The following ELF1 variants were observed in gnomAD, a reference collection of about 807,000 sequenced individuals.
ELF1 encodes the protein ETS-related transcription factor Elf-1.
In ELF1, 24 loss-of-function variants were observed where a neutral mutation model predicts 59.9. That is an observed-to-expected ratio of 0.40 (90% CI 0.29 to 0.56). ELF1 has a LOEUF of 0.56. ELF1 is among the 20% of genes least tolerant of loss of function. The pLI is 0.44. For synonymous variants in ELF1, 248 were observed against 266.2 expected, an observed-to-expected ratio of 0.93 and a Z score of 0.67; for missense variants, 627 against 742.2, an observed-to-expected ratio of 0.84 and a Z score of 1.80.
Position 40,963,633 on chromosome 13 carries a change from G to C in ELF1, c.73-4617C>G, listed in dbSNP as rs186352561. On this transcript the variant is annotated intron_variant, in intron 2 of 8. Transcript: ENST00000239882. ...AAGAATATGAATAGTTAGGTGCTGGGCGCAGTGGCTCACGCCTGTAATCCC... is the reference window on the plus strand; with the variant it reads ...AAGAATATGAATAGTTAGGTGCTGGCCGCAGTGGCTCACGCCTGTAATCCC... 3.1e-3 allele frequency among the ~76,000 whole-genome samples: 472 copies of C among 152,354 alleles called. 1 individual carries two copies. The highest frequency in any genetic ancestry group is 0.011 in the African/African-American group (455 of 41,582).
At chr13:41,028,119 G>A (rs548470418) in intron 1 of ELF1, among the ~76,000 whole-genome samples, 8 of 152,120 alleles carry the variant, frequency 5.3e-5, no homozygotes, top group Non-Finnish European at 1.0e-4. Flanking sequence ...AGAAGTCTTA[G>A]TTCCAGAGAG....
At chr13:41,006,714 T>C (rs1874781539) in intron 1 of ELF1, among the ~76,000 whole-genome samples, 2 of 152,360 alleles carry the variant, frequency 1.3e-5, no homozygotes, top group Admixed American at 1.3e-4. Flanking sequence ...GAAAACATTT[T>C]GAATAAAATA....
At chr13:40,963,629 C>T (rs1157568333) in intron 2 of ELF1, among the ~76,000 whole-genome samples, 1 of 152,202 alleles carries the variant, frequency 6.6e-6, no homozygotes, top group Non-Finnish European at 1.5e-5. Context: ...TAGTTAGGTG[C>T]TGGGCGCAGT....
chr13:40,975,242 G>A (rs758995936), intron 2 of ELF1, among the ~76,000 whole-genome samples: 2 of 152,154 alleles, frequency 1.3e-5, no homozygotes, highest in African/African-American at 4.8e-5. Context: ...CTTACTTTAT[G>A]AGGTACACCT....
intron 1 of ELF1, among the ~76,000 whole-genome samples, chr13:41,060,453 C>T (rs1360435434): frequency 6.6e-6 from 1 of 152,082 alleles, no homozygotes; most frequent in Non-Finnish European, 1.5e-5. Context: ...GCCGGAGGGG[C>T]GGGGGAGCAG....
At chr13:41,039,315 T>C (rs886286876) in intron 1 of ELF1, among the ~76,000 whole-genome samples, 1 of 101,874 alleles carries the variant, frequency 9.8e-6, no homozygotes, top group Admixed American at 1.1e-4. Flanking sequence ...TAGGGAAAAA[T>C]ATGACAAAAA....
At chr13:40,950,807 G>C (rs1440459412) in intron 4 of ELF1, among the ~76,000 whole-genome samples, 1 of 152,202 alleles carries the variant, frequency 6.6e-6, no homozygotes, top group Non-Finnish European at 1.5e-5. Context: ...CCTAATTATT[G>C]CTGCTGTGAA....
intron 1 of ELF1, among the ~76,000 whole-genome samples, chr13:41,056,569 G>A (rs1261196010): frequency 6.6e-6 from 1 of 152,170 alleles, no homozygotes; most frequent in Non-Finnish European, 1.5e-5. Context: ...CAAAGCAACT[G>A]CACCATTATA....
At chr13:40,993,378 G>C in intron 1 of ELF1, 1 of 933,072 alleles carries the variant, frequency 1.1e-6, no homozygotes, top group Non-Finnish European at 1.7e-6. Context: ...GGTGTGGGCA[G>C]TGCACCGATG....
At chr13:40,998,018 A>T (rs1006637117) in intron 1 of ELF1, among the ~76,000 whole-genome samples, 1 of 152,050 alleles carries the variant, frequency 6.6e-6, no homozygotes, top group African/African-American at 2.4e-5. Flanking sequence ...GGTGTGGTGG[A>T]GCCTGCAGTC....
chr13:41,015,037 A>G (rs780824498), intron 1 of ELF1, among the ~76,000 whole-genome samples: 3 of 152,144 alleles, frequency 2.0e-5, no homozygotes, highest in Non-Finnish European at 2.9e-5. Context: ...ATTACAAATA[A>G]TAATAGTGTA....
intron 1 of ELF1, among the ~76,000 whole-genome samples, chr13:41,018,714 G>A (rs2138388692): frequency 6.6e-6 from 1 of 151,836 alleles, no homozygotes; most frequent in African/African-American, 2.4e-5. Flanking sequence ...AAACAGAGAG[G>A]GAGAAAAAAA....
At chr13:41,048,685 T>A (rs1198695340) in intron 1 of ELF1, among the ~76,000 whole-genome samples, 1 of 152,006 alleles carries the variant, frequency 6.6e-6, no homozygotes, top group Non-Finnish European at 1.5e-5. Context: ...AGTGCTGGGA[T>A]TACAGTTGTG....
intron 8 of ELF1, among the ~76,000 whole-genome samples, chr13:40,937,691 G>A (rs35442384): frequency 3.3e-5 from 5 of 152,140 alleles, no homozygotes; most frequent in Admixed American, 6.6e-5. Flanking sequence ...GGCTGGTCTC[G>A]AACTCCTGAC....
chr13:41,060,944 C>CGCCGCT lies in ELF1; in HGVS notation c.-336_-335insAGCGGC, dbSNP rs1210294443. On this transcript the variant is annotated 5_prime_UTR_variant, in exon 1 of 2. Coordinates refer to the ELF1 transcript ENST00000405737. Reference sequence around the variant, plus strand: ...CCGCCGCCGCCGCCGCCGCCGCCGCCGCTGCTGCTGCCCACACGCTCCCGA... The same window carrying CGCCGCT: ...CCGCCGCCGCCGCCGCCGCCGCCGCCGCCGCTGCTGCTGCTGCCCACACGCTCCCGA... The CGCCGCT allele has an allele frequency of 1.3e-4, 35 of 265,036 alleles. 2 individuals carry two copies. The highest frequency in any genetic ancestry group is 3.9e-4 in the African/African-American group (17 of 43,226). The allele number at this position is 265,036 out of a possible 1,614,324, so 16.4% of individuals were successfully genotyped here. A position where few individuals can be genotyped will look rare whatever the true frequency, so the allele number is the denominator to read the frequency against.
Position 40,941,320 on chromosome 13 carries a change from A to G in ELF1, c.857T>C (p.Val286Ala). 1 of 1,612,728 alleles carries G rather than the reference A, an allele frequency of 6.2e-7. No homozygotes were observed. The highest frequency in any genetic ancestry group is 8.5e-7 in the Non-Finnish European group (1 of 1,179,718). The part of the protein sequence containing the change: ...ILAKVEGQRL[V>A]YQFKEMPKDL... ...TTTTGGCATTTCTTTAAACTGATAC[A>G]CCAAGCGCTGACCTTCCACTTTTGC... is the stretch of plus-strand genomic sequence containing the variant. The change falls in exon 8 of 9, where the codon GTG becomes GCG. Residue 286 changes from valine (V) to alanine (A), a missense_variant. Physicochemically the swap from Val to Ala is moderately conservative, Grantham distance 64. Coordinates refer to ENST00000239882, the MANE Select transcript of ELF1 (RefSeq NM_172373.4).
rs139046660 is a variant in ELF1 at position 40,968,015 on chromosome 13, G to C, written c.73-8999C>G. 5.8e-3 allele frequency among the ~76,000 whole-genome samples: 885 copies of C among 152,048 alleles called. 21 individuals are homozygous for C. The highest frequency in any genetic ancestry group is 3.7e-3 in the East Asian group (19 of 5,188). On this transcript the variant is annotated intron_variant, in intron 2 of 8. Transcript: ENST00000239882. The stretch of plus-strand genomic sequence containing the variant: ...TGAGAATAGTCTTTTCAAAACATAG[G>C]TGAACAAACCTTAACCATCCACACT...
chr13:41,038,044 T>C (rs1306060349), intron 1 of ELF1, among the ~76,000 whole-genome samples: 2 of 140,580 alleles, frequency 1.4e-5, no homozygotes, highest in Non-Finnish European at 3.0e-5. Flanking sequence ...AGAAAGACTA[T>C]GTTAGCAAAG....
At chr13:40,964,434 G>A (rs1378403128) in intron 2 of ELF1, among the ~76,000 whole-genome samples, 2 of 152,050 alleles carry the variant, frequency 1.3e-5, no homozygotes, top group Non-Finnish European at 2.9e-5. Flanking sequence ...ACTGTTCCAG[G>A]TCTCTCTCTT....
Sources: gnomAD v4.1 joint callset for allele counts (sites outside exome capture counted in the v4.1 genomes callset) on GRCh38, gnomAD v4.1.1 for gene constraint, MANE v1.5 for transcripts, NCBI Gene and HGNC (gene_info 2026-07-23, HGNC 2026-07-21) for gene names.